CSMD1: variants seen among roughly 807,000 people sequenced by gnomAD.
CSMD1 encodes CUB and Sushi multiple domains 1.
Under a neutral mutation model 417.5 loss-of-function variants are expected in CSMD1, and 213 were observed. The ratio of observed to expected loss-of-function variants is 0.51; its 90% CI spans 0.46 to 0.57. CSMD1 has a LOEUF of 0.57. CSMD1 is among the 20% of genes least tolerant of loss of function. The probability of loss-of-function intolerance (pLI) is 0.00; values close to 1 mark genes in which losing one functional copy is unlikely to be tolerated. For missense variants in CSMD1, 6,923 were observed against 4,529.7 expected, an observed-to-expected ratio of 1.53 and a Z score of -15.17; for synonymous variants, 2,862 against 1,736.8, an observed-to-expected ratio of 1.65 and a Z score of -16.11.
At chr8:3,329,710 T>G (rs1806771822) in intron 23 of CSMD1, among the ~76,000 whole-genome samples, 1 of 152,172 alleles carries the variant, frequency 6.6e-6, no homozygotes, top group Non-Finnish European at 1.5e-5. Flanking sequence ...CGCATGGGCC[T>G]GCAGGACCAG....
chr8:3,352,589 T>C (rs549876444), intron 21 of CSMD1, among the ~76,000 whole-genome samples: 3 of 152,262 alleles, frequency 2.0e-5, no homozygotes, highest in Admixed American at 1.3e-4. Context: ...TCTGTAATCC[T>C]AGCAGTTTGG....
At position 4,754,386 on chromosome 8, in the gene CSMD1, GATCTGTAGTGTCAT is replaced by G. The variant is rs898833543; in HGVS notation, c.86-116842_86-116829del. On this transcript the variant is annotated intron_variant, in intron 1 of 69. Transcript: ENST00000635120. ...ATCCCACCCACATCAGGTATTAATT[GATCTGTAGTGTCAT>G]ATCCCAACTGGGTCACATACAAATA... is the stretch of plus-strand genomic sequence containing the variant. Among the ~76,000 whole-genome samples the G allele has an allele frequency of 8.1e-4, 124 of 152,218 alleles. 1 individual carries two copies. The highest frequency in any genetic ancestry group is 2.9e-3 in the African/African-American group (121 of 41,530).
chr8:3,755,571 C>T (rs1361158590), intron 5 of CSMD1, among the ~76,000 whole-genome samples: 1 of 151,890 alleles, frequency 6.6e-6, no homozygotes, highest in Non-Finnish European at 1.5e-5. Context: ...AAGCTGAGGA[C>T]CTGATTTCTA....
intron 3 of CSMD1, among the ~76,000 whole-genome samples, chr8:4,411,976 C>G (rs570168405): frequency 1.4e-5 from 2 of 141,170 alleles, no homozygotes; most frequent in South Asian, 2.5e-4. Flanking sequence ...AAGTACACAG[C>G]AACATAGCTA....
At chr8:4,961,899 C>A (rs201424869) in intron 1 of CSMD1, among the ~76,000 whole-genome samples, 5,617 of 23,982 alleles carry the variant, frequency 0.23, 339 homozygotes, top group African/African-American at 0.51. Context: ...AAATTCCTTC[C>A]TTTTTTTTCC....
chr8:4,503,673 G>A, intron 2 of CSMD1, among the ~76,000 whole-genome samples: 1 of 152,098 alleles, frequency 6.6e-6, no homozygotes, highest in East Asian at 1.9e-4. Context: ...AACTTGGCCT[G>A]ATGCATTAAC....
chr8:4,487,927 C>T (rs1256159008), intron 2 of CSMD1, among the ~76,000 whole-genome samples: 1 of 152,056 alleles, frequency 6.6e-6, no homozygotes, highest in Non-Finnish European at 1.5e-5. Flanking sequence ...TGATATGAAA[C>T]CCTGTGTCGT....
At chr8:3,732,946 T>C (rs951148830) in intron 6 of CSMD1, among the ~76,000 whole-genome samples, 3 of 152,146 alleles carry the variant, frequency 2.0e-5, no homozygotes, top group Non-Finnish European at 2.9e-5. Flanking sequence ...CCATTATCTA[T>C]CTATCTACTT....
intron 1 of CSMD1, among the ~76,000 whole-genome samples, chr8:4,811,093 G>A (rs1798873210): frequency 1.3e-5 from 2 of 152,174 alleles, no homozygotes; most frequent in Non-Finnish European, 2.9e-5. Flanking sequence ...AAGGTATTCT[G>A]TAAGTGGAAA....
At chr8:4,247,873 T>C (rs1255789172) in intron 3 of CSMD1, among the ~76,000 whole-genome samples, 2 of 152,324 alleles carry the variant, frequency 1.3e-5, no homozygotes, top group African/African-American at 2.4e-5. Context: ...AAATACAATG[T>C]ACAAATTTTT....
intron 30 of CSMD1, among the ~76,000 whole-genome samples, chr8:3,210,712 G>C (rs1178567341): frequency 6.7e-6 from 1 of 148,554 alleles, no homozygotes; most frequent in African/African-American, 2.5e-5. Flanking sequence ...TATATATAAA[G>C]TGTATACATA....
chr8:3,099,033 A>G (rs111693211), intron 46 of CSMD1, among the ~76,000 whole-genome samples: 2,250 of 151,526 alleles, frequency 0.015, 58 homozygotes, highest in African/African-American at 0.049. Flanking sequence ...ACTCCCCCCA[A>G]ACCCCTCTGT....
intron 47 of CSMD1, 122 bp downstream of exon 47, chr8:3,096,727 G>C (rs1815331204): frequency 5.7e-6 from 4 of 706,486 alleles, no homozygotes; most frequent in East Asian, 2.8e-5. Context: ...TTTTTTGTTT[G>C]CTTTGGGAAA....
intron 1 of CSMD1, among the ~76,000 whole-genome samples, chr8:4,870,840 C>G (rs927349911): frequency 6.6e-6 from 1 of 152,158 alleles, no homozygotes; most frequent in Admixed American, 6.5e-5. Context: ...CTCCCCTCTG[C>G]TTCAGATGAA....
At chr8:4,593,358 CAT>C (rs1458509076) in intron 2 of CSMD1, among the ~76,000 whole-genome samples, 1 of 152,078 alleles carries the variant, frequency 6.6e-6, no homozygotes, top group Non-Finnish European at 1.5e-5. Flanking sequence ...TTGTTATTGT[CAT>C]GATAAAAAAT....
At chr8:3,711,462 C>T (rs1585115912) in intron 6 of CSMD1, among the ~76,000 whole-genome samples, 1 of 152,190 alleles carries the variant, frequency 6.6e-6, no homozygotes, top group Non-Finnish European at 1.5e-5. Flanking sequence ...GGTCCAACCC[C>T]AACCAAAGGG....
At chr8:3,971,740 C>A (rs555493018) in intron 5 of CSMD1, among the ~76,000 whole-genome samples, 3 of 152,140 alleles carry the variant, frequency 2.0e-5, no homozygotes, top group Non-Finnish European at 2.9e-5. Flanking sequence ...CCACCAAGGC[C>A]GATGCATTTT....
intron 2 of CSMD1, among the ~76,000 whole-genome samples, chr8:4,500,707 G>T (rs531594878): frequency 6.6e-6 from 1 of 152,112 alleles, no homozygotes; most frequent in African/African-American, 2.4e-5. Flanking sequence ...TTCCTCTTGC[G>T]ATAAAGAATT....
At chr8:3,705,667 A>G (rs1220990553) in intron 7 of CSMD1, among the ~76,000 whole-genome samples, 2 of 152,262 alleles carry the variant, frequency 1.3e-5, no homozygotes, top group African/African-American at 2.4e-5. Context: ...GACATTTTCC[A>G]TAAATCTTCT....
Sources: gnomAD v4.1 joint callset for allele counts (sites outside exome capture counted in the v4.1 genomes callset) on GRCh38, gnomAD v4.1.1 for gene constraint, MANE v1.5 for transcripts, NCBI Gene and HGNC (gene_info 2026-07-23, HGNC 2026-07-21) for gene names.